The following MKNK2 variants were observed in gnomAD, a reference collection of about 807,000 sequenced individuals.
The protein encoded by MKNK2 is MAPK interacting serine/threonine kinase 2, also known as MAP kinase-interacting serine/threonine-protein kinase 2.
In MKNK2, 54 loss-of-function variants were observed where a neutral mutation model predicts 55.0. That is an observed-to-expected ratio of 0.98 (90% confidence interval 0.79 to 1.23). MKNK2 has a LOEUF of 1.23. Among genes scored for constraint, MKNK2 ranks in the 50% most tolerant of loss-of-function variants. The probability of loss-of-function intolerance (pLI) is 0.00; values close to 1 mark genes in which losing one functional copy is unlikely to be tolerated. For missense variants in MKNK2, 685 were observed against 632.1 expected, an observed-to-expected ratio of 1.08 and a Z score of -0.90; for synonymous variants, 323 against 256.0, an observed-to-expected ratio of 1.26 and a Z score of -2.50.
chr19:2,042,932 A>G (rs1599381616), intron 7 of MKNK2, 62 bp from the exon 8 acceptor site: 15 of 1,491,962 alleles, frequency 1.0e-5, no homozygotes, highest in Admixed American at 2.0e-5. Context: ...AGTCCCCTCA[A>G]GGCCAGCACC....
intron 10 of MKNK2, 92 bp downstream of exon 10, chr19:2,042,335 C>T: frequency 1.7e-6 from 2 of 1,173,278 alleles, no homozygotes; most frequent in Non-Finnish European, 2.4e-6. Context: ...CCGAGCTCCG[C>T]GGCCTGGAGC....
intron 5 of MKNK2, among the ~76,000 whole-genome samples, chr19:2,045,414 TG>T (rs1199121521): frequency 6.6e-6 from 1 of 152,114 alleles, no homozygotes; most frequent in East Asian, 1.9e-4. Flanking sequence ...TTGGCCTGCC[TG>T]GGGGCTCCCA....
In MKNK2 at chr19:2,038,279, C is replaced by T; in HGVS notation, c.*1334G>A. On this transcript the variant is annotated 3_prime_UTR_variant, in exon 14 of 14. Transcript: ENST00000250896. The stretch of plus-strand genomic sequence containing the variant: ...TTTAAGGAAAAACTAAAAAACTAAA[C>T]AGGAGGAAGAATCCCGACCGCGGAT... 1 of 986,610 alleles carries T rather than the reference C, an allele frequency of 1.0e-6. No individual in the cohort carries two copies. Among genetic ancestry groups the T allele is most frequent in the Non-Finnish European group, 1.2e-6 (1 of 830,730 alleles). 61.1% of individuals were successfully genotyped at this position (986,610 alleles called of 1,614,324 possible). A position where few individuals can be genotyped will look rare whatever the true frequency, so the allele number is the denominator to read the frequency against.
Position 2,038,137 on chromosome 19 carries a change from T to G in MKNK2, c.*1476A>C. ...ACCGGACTGTGACCATCATACGAGA[T>G]TCAGGAGGGGCAGCAGGGCCAGGCA... On this transcript the variant is annotated 3_prime_UTR_variant, in exon 14 of 14. Coordinates refer to ENST00000250896, the MANE Select transcript of MKNK2 (RefSeq NM_199054.3). The G allele has an allele frequency of 1.9e-6, 2 of 1,057,966 alleles. No individual in the cohort carries two copies. Among genetic ancestry groups the G allele is most frequent in the Admixed American group, 5.5e-5 (1 of 18,228 alleles). The allele number at this position is 1,057,966 out of a possible 1,614,324, so 65.5% of individuals were successfully genotyped here.
chr19:2,039,999 CG>C, intron 13 of MKNK2, 134 bp downstream of exon 13: 1 of 1,386,636 alleles, frequency 7.2e-7, no homozygotes, highest in Non-Finnish European at 1.0e-6. Flanking sequence ...AGGGCCCCAC[CG>C]GGAGCTTCAC....
In MKNK2 at chr19:2,041,071, G is replaced by T; in HGVS notation, c.1079C>A (p.Ala360Asp). ...VRDAKQRLSA[A>D]QVLQHPWVQG... The stretch of plus-strand genomic sequence containing the variant: ...AACCCAGGGGTGCTGCAGGACTTGG[G>T]CGGCACTCAGCCTCTGCTTGGCGTC... The change falls in exon 12 of 14, where the codon GCC (alanine) becomes GAC (aspartate). Residue 360 changes from alanine to aspartate, a missense_variant. Ala to Asp is a moderately radical substitution (Grantham distance 126). Coordinates refer to ENST00000250896, the MANE Select transcript of MKNK2 (RefSeq NM_199054.3). 6.2e-7 allele frequency: 1 copy of T among 1,614,004 alleles called. No individual in the cohort carries two copies. The highest frequency in any genetic ancestry group is 8.5e-7 in the Non-Finnish European group (1 of 1,179,952).
intron 6 of MKNK2, 145 bp from the exon 7 acceptor site, chr19:2,043,342 G>T: frequency 1.0e-6 from 1 of 995,768 alleles, no homozygotes; most frequent in Non-Finnish European, 1.6e-6. Context: ...GCTTCACACT[G>T]CCCGCCTGGG....
rs1411684708 is a variant in MKNK2 at position 2,043,176 on chromosome 19, C to T, written c.441G>A (p.Glu147=). Residue 147 remains glutamate, a synonymous_variant, in exon 7 of 14, where the codon GAG becomes GAA. Transcript: ENST00000250896. Reference sequence around the variant, plus strand: ...AGAAGCGGTCCTCCTCCTCGAAGAACTCAATCAGCTCTAGGACGTTCCTGG... The same window carrying T: ...AGAAGCGGTCCTCCTCCTCGAAGAATTCAATCAGCTCTAGGACGTTCCTGG... The part of the protein sequence containing the change: ...QGHRNVLELI[E]FFEEEDRFYL... 6.3e-7 allele frequency: 1 copy of T among 1,595,718 alleles called. No homozygotes were observed.
chr19:2,049,815 G>A (rs1404748769), intron 2 of MKNK2, among the ~76,000 whole-genome samples: 1 of 152,162 alleles, frequency 6.6e-6, no homozygotes, highest in Non-Finnish European at 1.5e-5. Flanking sequence ...GTGCTGCCCT[G>A]GGGCACTGGC....
Position 2,038,199 on chromosome 19 carries a change from C to T in MKNK2, c.*1414G>A. 1 of 1,006,848 alleles carries T rather than the reference C, an allele frequency of 9.9e-7. No homozygotes were observed. The highest frequency in any genetic ancestry group is 4.6e-5 in the South Asian group (1 of 21,780). The allele number at this position is 1,006,848 out of a possible 1,614,324, so 62.4% of individuals were successfully genotyped here. On this transcript the variant is annotated 3_prime_UTR_variant, in exon 14 of 14. Coordinates refer to ENST00000250896, the MANE Select transcript of MKNK2 (RefSeq NM_199054.3). ...AGGCCCCCACCCCCAGGCCCCCCGA[C>T]ATTCAAGTATTCTTCAAGAACAGGG...
At position 2,039,468 on chromosome 19, in the gene MKNK2, A is replaced by G. The variant is rs2016825731; in HGVS notation, c.*145T>C. 17 of 1,403,566 alleles carry G rather than the reference A, an allele frequency of 1.2e-5. No individual in the cohort carries two copies. Among genetic ancestry groups the G allele is most frequent in the Non-Finnish European group, 1.6e-5 (17 of 1,079,232 alleles). The allele number at this position is 1,403,566 out of a possible 1,614,324, so 86.9% of individuals were successfully genotyped here. On this transcript the variant is annotated 3_prime_UTR_variant, in exon 14 of 14. Coordinates refer to ENST00000250896, the MANE Select transcript of MKNK2 (RefSeq NM_199054.3). Reference sequence around the variant, plus strand: ...AAACCCAAAAGCAAAAACCTTCTATAAAACACCCCCCTCAGCTGAGCTTAG... The same window carrying G: ...AAACCCAAAAGCAAAAACCTTCTATGAAACACCCCCCTCAGCTGAGCTTAG...
rs547642935 is a variant in MKNK2, at chr19:2,044,074, T to G, written c.340-492A>C. 5.8e-4 allele frequency among the ~76,000 whole-genome samples: 88 copies of G among 150,704 alleles called. No individual in the cohort carries two copies. The East Asian group carries it at 0.016, about 27-fold the overall frequency. ...AGACACATTTGAGACCTATGACTTC[T>G]GCAAAATACCCCCACAGGACGTGAG... On this transcript the variant is annotated intron_variant, in intron 5 of 13. Transcript: ENST00000250896.
chr19:2,041,933 G>C lies in MKNK2; in HGVS notation c.852C>G (p.Ile284Met). 1.3e-6 allele frequency: 2 copies of C among 1,553,212 alleles called. No homozygotes were observed. The highest frequency in any genetic ancestry group is 1.7e-6 in the Non-Finnish European group (2 of 1,148,374). The change falls in exon 11 of 14, where the codon ATC (isoleucine) becomes ATG (methionine). Residue 284 changes from isoleucine to methionine, a missense_variant. Coordinates refer to ENST00000250896, the MANE Select transcript of MKNK2 (RefSeq NM_199054.3). ...KRCDLWSLGV[I>M]LYILLSGYPP... ...GGTAGCCGCTGAGTAGGATATACAA[G>C]ATGACGCCCAGGCTCCACAGGTCGC...
chr19:2,041,355 G>GA lies in MKNK2; in HGVS notation c.946-152dup, dbSNP rs1193346416. On this transcript the variant is annotated intron_variant, in intron 11 of 13. Transcript: ENST00000250896. Reference sequence around the variant, plus strand: ...CAGAGGGGGCTGGGAGCCGGACCAGGAGAGTCAGCTCCACCCAAGTGGAGC... The same window carrying GA: ...CAGAGGGGGCTGGGAGCCGGACCAGGAAGAGTCAGCTCCACCCAAGTGGAGC... 2.7e-5 allele frequency: 20 copies of GA among 747,108 alleles called. No individual in the cohort carries two copies. The East Asian group carries it at 5.4e-4, about 20-fold the overall frequency. 46.3% of individuals were successfully genotyped at this position (747,108 alleles called of 1,614,324 possible). A position where few individuals can be genotyped will look rare whatever the true frequency, so the allele number is the denominator to read the frequency against.
intron 5 of MKNK2, among the ~76,000 whole-genome samples, chr19:2,045,107 C>T (rs1023834173): frequency 2.6e-5 from 4 of 152,182 alleles, no homozygotes; most frequent in Non-Finnish European, 5.9e-5. Context: ...AACTCCCGGA[C>T]GTCAGTGGCC....
At position 2,039,742 on chromosome 19, in the gene MKNK2, C is replaced by A; in HGVS notation, c.1269G>T (p.Gln423His). The change falls in exon 14 of 14, where the codon CAG (glutamine) becomes CAT (histidine). Residue 423 changes from glutamine to histidine, a missense_variant. Coordinates refer to ENST00000250896, the MANE Select transcript of MKNK2 (RefSeq NM_199054.3). ...GTGAGGTAGCTCGGACCAGGACGGG[C>A]TGGCCCTGCCCCGCGGCCTCCTCCT... is the stretch of plus-strand genomic sequence containing the variant. The part of the protein sequence containing the change: ...LAEEEAAGQG[Q>H]PVLVRATSRC... 2.5e-6 allele frequency: 4 copies of A among 1,610,346 alleles called. No individual in the cohort carries two copies. The East Asian group carries it at 6.7e-5, about 27-fold the overall frequency.
chr19:2,049,282 C>T (rs1412361519), intron 2 of MKNK2, among the ~76,000 whole-genome samples: 1 of 152,246 alleles, frequency 6.6e-6, no homozygotes, highest in East Asian at 1.9e-4. Context: ...CACAGACGTG[C>T]CTCCCTGCTG....
intron 8 of MKNK2, 22 bp from the exon 9 acceptor site, chr19:2,042,684 C>T: frequency 1.3e-6 from 2 of 1,557,782 alleles, no homozygotes; most frequent in South Asian, 1.2e-5. Flanking sequence ...GCCACAGAAC[C>T]ACGACGGGGT....
intron 6 of MKNK2, 66 bp from the exon 7 acceptor site, chr19:2,043,263 GGCCTAGGAGGGGCCC>G (rs1415025183): frequency 7.5e-7 from 1 of 1,339,148 alleles, no homozygotes; most frequent in Non-Finnish European, 1.1e-6. Flanking sequence ...CCTGCTGCCC[GGCCTAGGAGGGGCCC>G]ACCCTCTTGG....
Sources: gnomAD v4.1 joint callset for allele counts (sites outside exome capture counted in the v4.1 genomes callset) on GRCh38, gnomAD v4.1.1 for gene constraint, MANE v1.5 for transcripts, NCBI Gene and HGNC (gene_info 2026-07-23, HGNC 2026-07-21) for gene names.